PGS1: variants seen among roughly 807,000 people sequenced by gnomAD.
PGS1 encodes phosphatidylglycerophosphate synthase 1, also known as CDP-diacylglycerol--glycerol-3-phosphate 3-phosphatidyltransferase, mitochondrial.
In PGS1, 44 loss-of-function variants were observed where a neutral mutation model predicts 58.3. The observed-to-expected ratio is 0.75, with a 90% CI of 0.59 to 0.97. The LOEUF is 0.97. Among genes scored for constraint, PGS1 ranks in the 50% least tolerant of loss-of-function variants. The pLI is 0.00. For missense variants in PGS1, 684 were observed against 731.1 expected (o/e 0.94, Z 0.74); for synonymous variants, 330 against 311.0 (o/e 1.06, Z -0.64).
chr17:78,396,213 T>G, intron 2 of PGS1, 95 bp from the exon 3 acceptor site: 1 of 865,112 alleles, frequency 1.2e-6, no homozygotes, highest in Admixed American at 1.9e-5. Flanking sequence ...TAGTTCAGCT[T>G]GGAGTGGGAT....
intron 1 of PGS1, chr17:78,380,729 A>G (rs549971260): frequency 6.6e-6 from 1 of 152,250 alleles, no homozygotes; most frequent in African/African-American, 2.4e-5. Context: ...ACTATATGAA[A>G]AACACTTCAT....
chr17:78,416,120 A>T (rs1181153487), intron 8 of PGS1, among the ~76,000 whole-genome samples: 2 of 152,326 alleles, frequency 1.3e-5, no homozygotes, highest in African/African-American at 4.8e-5. Context: ...CCTTGGTGCC[A>T]GGAAAGGCTT....
intron 1 of PGS1, among the ~76,000 whole-genome samples, chr17:78,384,629 C>T (rs1021132861): frequency 1.3e-5 from 2 of 152,120 alleles, no homozygotes; most frequent in Non-Finnish European, 2.9e-5. Context: ...ACCTTCAGAC[C>T]ACGCCTCTGA....
chr17:78,407,509 C>A (rs12602692), intron 7 of PGS1, among the ~76,000 whole-genome samples: 15,554 of 152,314 alleles, frequency 0.1, 839 homozygotes, highest in Middle Eastern at 0.18. Context: ...TTGCAAGGCA[C>A]TTGCTGGGTA....
chr17:78,422,156 G>A (rs1045486461), intron 9 of PGS1, among the ~76,000 whole-genome samples: 2 of 152,146 alleles, frequency 1.3e-5, no homozygotes, highest in African/African-American at 2.4e-5. Flanking sequence ...TGAGTTGCCC[G>A]GTGGCCCCTG....
At position 78,378,749 on chromosome 17, in the gene PGS1, C is replaced by G. The variant is rs2081812504; in HGVS notation, c.84C>G (p.Ala28=). Residue 28 remains alanine (A), a synonymous_variant, in exon 1 of 10, where the codon GCC becomes GCG. Coordinates refer to ENST00000262764, the MANE Select transcript of PGS1 (RefSeq NM_024419.5). Reference sequence around the variant, plus strand: ...TCCTGCCTGGCCGCCCAGGGCTGGCCGCGCTCCTGGGACGCCTGTCCGACC... The same window carrying G: ...TCCTGCCTGGCCGCCCAGGGCTGGCGGCGCTCCTGGGACGCCTGTCCGACC... ...LGLLPGRPGL[A]ALLGRLSDRL... The G allele has an allele frequency of 1.4e-5, 21 of 1,505,866 alleles. No homozygotes were observed. The highest frequency in any genetic ancestry group is 1.9e-5 in the Non-Finnish European group (21 of 1,134,056). The allele number at this position is 1,505,866 out of a possible 1,614,324, so 93.3% of individuals were successfully genotyped here. A position where few individuals can be genotyped will look rare whatever the true frequency, so the allele number is the denominator to read the frequency against.
At chr17:78,410,274 C>CA (rs2084527406) in intron 7 of PGS1, among the ~76,000 whole-genome samples, 1 of 151,696 alleles carries the variant, frequency 6.6e-6, no homozygotes. Flanking sequence ...ACTAAAAATA[C>CA]AAAAATTAGC....
At position 78,403,629 on chromosome 17, in the gene PGS1, C is replaced by G. The variant is rs1274605423; in HGVS notation, c.942C>G (p.Ala314=). Reference sequence around the variant, plus strand: ...GGGTCATGGATGTGATCAACTCAGCCAGGACCCGCCAGCAGATGCTGCATG... The same window carrying G: ...GGGTCATGGATGTGATCAACTCAGCGAGGACCCGCCAGCAGATGCTGCATG... The part of the protein sequence containing the change: ...NKRVMDVINS[A]RTRQQMLHAQ... Residue 314 remains alanine, a synonymous_variant, in exon 7 of 10, where the codon GCC becomes GCG. Transcript: ENST00000262764. 1.2e-6 allele frequency: 2 copies of G among 1,614,040 alleles called. No individual in the cohort carries two copies. Among genetic ancestry groups the G allele is most frequent in the Non-Finnish European group, 8.5e-7 (1 of 1,180,038 alleles).
intron 3 of PGS1, 164 bp from the exon 4 acceptor site, chr17:78,398,088 T>C (rs1395194651): frequency 1.4e-6 from 1 of 710,296 alleles, no homozygotes; most frequent in Admixed American, 1.9e-5. Context: ...ATGAAGGTGC[T>C]CTCAGACAGA....
rs546330578 is a variant in PGS1 at position 78,403,821 on chromosome 17, C to T, written c.1134C>T (p.Arg378=). ...AGACCCTGTTGACTGAGGCGGAGCG[C>T]GGGGCAAAGGTCTACCTCACCACTG... The part of the protein sequence containing the change: ...VTETLLTEAE[R]GAKVYLTTGY... Residue 378 remains arginine, a synonymous_variant, in exon 7 of 10, where the codon CGC becomes CGT. Transcript: ENST00000262764. 67 of 1,614,224 alleles carry T rather than the reference C, an allele frequency of 4.2e-5. No homozygotes were observed. The highest frequency in any genetic ancestry group is 3.1e-4 in the East Asian group (14 of 44,886).
Position 78,398,047 on chromosome 17 carries a change from A to T in PGS1, c.412-205A>T, listed in dbSNP as rs916383371. 4 of 642,046 alleles carry T rather than the reference A, an allele frequency of 6.2e-6. No homozygotes were observed. In the Middle Eastern group the frequency reaches 7.4e-4, roughly 119 times the overall value. 39.8% of individuals were successfully genotyped at this position (642,046 alleles called of 1,614,324 possible). Reference sequence around the variant, plus strand: ...TTTCCATTCCTGGAGGCCTGGGCCGATCAGGCCCCTGGGTGCTTCTTCTGA... The same window carrying T: ...TTTCCATTCCTGGAGGCCTGGGCCGTTCAGGCCCCTGGGTGCTTCTTCTGA... On this transcript the variant is annotated intron_variant, in intron 3 of 9. Transcript: ENST00000262764.
intron 9 of PGS1, 39 bp from the exon 10 acceptor site, chr17:78,424,022 G>C (rs746118933): frequency 6.2e-6 from 10 of 1,613,920 alleles, no homozygotes; most frequent in Non-Finnish European, 6.8e-6. Flanking sequence ...TTGTACACGG[G>C]ACACTCATAG....
At chr17:78,405,668 G>A (rs1383443685) in intron 7 of PGS1, among the ~76,000 whole-genome samples, 1 of 152,202 alleles carries the variant, frequency 6.6e-6, no homozygotes, top group Non-Finnish European at 1.5e-5. Flanking sequence ...CTCTAGCAGC[G>A]GGACCATGAC....
At chr17:78,398,017 G>A (rs1301152538) in intron 3 of PGS1, 6 of 605,922 alleles carry the variant, frequency 9.9e-6, no homozygotes, top group Non-Finnish European at 1.9e-5. Flanking sequence ...CTGCCTGCAG[G>A]TCCCTTTCCA....
At chr17:78,420,066 C>T (rs1173975073) in intron 9 of PGS1, 5 of 1,060,400 alleles carry the variant, frequency 4.7e-6, no homozygotes, top group East Asian at 7.9e-5. Flanking sequence ...GAGATGTAGA[C>T]GTGGGAGGAG....
chr17:78,409,048 G>A (rs1246592549), intron 7 of PGS1, among the ~76,000 whole-genome samples: 3 of 152,230 alleles, frequency 2.0e-5, no homozygotes, highest in Non-Finnish European at 4.4e-5. Flanking sequence ...GGTCTTGAGA[G>A]GCAGTGCAGG....
intron 7 of PGS1, among the ~76,000 whole-genome samples, chr17:78,411,024 C>A (rs917713267): frequency 6.6e-6 from 1 of 152,132 alleles, no homozygotes; most frequent in Admixed American, 6.5e-5. Context: ...AAGAGCAGAG[C>A]AAGAGAAGGC....
In PGS1 at chr17:78,415,078, G is replaced by GA. The variant is rs397748861; in HGVS notation, c.1551+51_1551+52insA. The GA allele has an allele frequency of 6.2e-6, 10 of 1,602,460 alleles. No homozygotes were observed. In the East Asian group the frequency reaches 1.1e-4, roughly 18 times the overall value. ...CAGGGCGCTGAGGGTGTGGCTGGGG[G>GA]CCCAGGCTCACCCGTGCTGTGGGGC... On this transcript the variant is annotated intron_variant, in intron 8 of 9. Transcript: ENST00000262764.
At position 78,414,928 on chromosome 17, in the gene PGS1, T is replaced by C; in HGVS notation, c.1452T>C (p.Ile484=). Residue 484 remains isoleucine, a synonymous_variant, in exon 8 of 10, where the codon ATT becomes ATC. Coordinates refer to ENST00000262764, the MANE Select transcript of PGS1 (RefSeq NM_024419.5). Reference sequence around the variant, plus strand: ...GCAGCCTGCCCTGTCTCACGCTGATTGGCTCTCCTAATTTTGGGTACAGGT... The same window carrying C: ...GCAGCCTGCCCTGTCTCACGCTGATCGGCTCTCCTAATTTTGGGTACAGGT... ...AGSSLPCLTL[I]GSPNFGYRSV... is the part of the protein sequence containing the mutation. 1 of 1,614,114 alleles carries C rather than the reference T, an allele frequency of 6.2e-7. No homozygotes were observed. The highest frequency in any genetic ancestry group is 8.5e-7 in the Non-Finnish European group (1 of 1,180,014).
Sources: allele counts gnomAD v4.1 joint callset (sites outside exome capture counted in the v4.1 genomes callset), GRCh38; gene constraint gnomAD v4.1.1; transcripts MANE v1.5; gene names NCBI Gene and HGNC (gene_info 2026-07-23, HGNC 2026-07-21).